SNTG1: variants seen among roughly 807,000 people sequenced by gnomAD.
SNTG1 encodes the protein gamma-1-syntrophin.
In SNTG1, 39 loss-of-function variants were observed where a neutral mutation model predicts 74.7. The ratio of observed to expected loss-of-function variants is 0.52; its 90% confidence interval spans 0.40 to 0.68. The LOEUF is 0.68. SNTG1 is among the 30% of genes least tolerant of loss of function. SNTG1 has a pLI of 0.00. For missense variants in SNTG1, 685 were observed against 609.5 expected, an observed-to-expected ratio of 1.12 and a Z score of -1.30; for synonymous variants, 254 against 217.1, an observed-to-expected ratio of 1.17 and a Z score of -1.49.
chr8:50,670,326 T>A (rs562957170), intron 15 of SNTG1, among the ~76,000 whole-genome samples: 3 of 152,230 alleles, frequency 2.0e-5, no homozygotes, highest in Non-Finnish European at 4.4e-5. Context: ...CTGAAGCTGA[T>A]AAGCAACTTC....
intron 4 of SNTG1, among the ~76,000 whole-genome samples, chr8:50,433,828 G>A (rs1053190102): frequency 6.6e-6 from 1 of 152,174 alleles, no homozygotes; most frequent in African/African-American, 2.4e-5. Context: ...CGAGGGCATA[G>A]TTCTCTTCAA....
At chr8:50,402,898 A>C (rs1370759833) in intron 4 of SNTG1, among the ~76,000 whole-genome samples, 1 of 152,232 alleles carries the variant, frequency 6.6e-6, no homozygotes, top group Non-Finnish European at 1.5e-5. Flanking sequence ...TTGACACATT[A>C]CACTGCTCCT....
At chr8:49,956,161 A>G (rs1051483725) in intron 1 of SNTG1, among the ~76,000 whole-genome samples, 2 of 152,236 alleles carry the variant, frequency 1.3e-5, no homozygotes, top group Non-Finnish European at 2.9e-5. Context: ...CATTTTGCAG[A>G]AAGATGTTTA....
At chr8:49,996,451 T>A (rs117629990) in intron 1 of SNTG1, among the ~76,000 whole-genome samples, 2 of 152,218 alleles carry the variant, frequency 1.3e-5, no homozygotes, top group African/African-American at 2.4e-5. Context: ...CCTTGCCTTC[T>A]CCTTTTCCTT....
intron 1 of SNTG1, among the ~76,000 whole-genome samples, chr8:50,039,822 C>A (rs1431623170): frequency 6.6e-6 from 1 of 152,056 alleles, no homozygotes; most frequent in Non-Finnish European, 1.5e-5. Flanking sequence ...AAACTTAAAC[C>A]TCAGACCCGT....
intron 1 of SNTG1, among the ~76,000 whole-genome samples, chr8:49,970,092 A>C (rs543660654): frequency 6.6e-6 from 1 of 152,308 alleles, no homozygotes; most frequent in African/African-American, 2.4e-5. Flanking sequence ...GGATTGGCGT[A>C]AAGAATGCAA....
At chr8:50,279,610 TG>T (rs1244006465) in intron 2 of SNTG1, among the ~76,000 whole-genome samples, 1 of 152,160 alleles carries the variant, frequency 6.6e-6, no homozygotes, top group Non-Finnish European at 1.5e-5. Flanking sequence ...AGTTACTAGT[TG>T]GGACAGATGC....
intron 10 of SNTG1, 95 bp from the exon 11 acceptor site, chr8:50,536,583 G>C: frequency 7.0e-7 from 1 of 1,438,668 alleles, no homozygotes; most frequent in Non-Finnish European, 9.4e-7. Context: ...ATCATTTAGG[G>C]GAAAAATAAT....
intron 2 of SNTG1, among the ~76,000 whole-genome samples, chr8:50,307,823 T>G (rs1241765968): frequency 6.6e-6 from 1 of 152,124 alleles, no homozygotes; most frequent in East Asian, 1.9e-4. Flanking sequence ...ATAGCTGAAC[T>G]TTTAGGAAAG....
chr8:50,183,046 C>A (rs190363249), intron 2 of SNTG1, among the ~76,000 whole-genome samples: 4 of 152,274 alleles, frequency 2.6e-5, no homozygotes, highest in Admixed American at 6.5e-5. Flanking sequence ...TTTGCCCCAA[C>A]TGACTGTAAC....
intron 15 of SNTG1, among the ~76,000 whole-genome samples, chr8:50,660,730 A>C (rs1435927090): frequency 6.6e-6 from 1 of 152,200 alleles, no homozygotes; most frequent in African/African-American, 2.4e-5. Context: ...TAAACATTAG[A>C]ACATAATGCA....
chr8:50,189,416 A>C (rs2083489684), intron 2 of SNTG1, among the ~76,000 whole-genome samples: 1 of 152,110 alleles, frequency 6.6e-6, no homozygotes, highest in African/African-American at 2.4e-5. Flanking sequence ...TAGATGTGGG[A>C]AGGAGCCTAG....
intron 2 of SNTG1, among the ~76,000 whole-genome samples, chr8:50,253,810 C>T (rs1458039835): frequency 6.6e-6 from 1 of 151,412 alleles, no homozygotes; most frequent in African/African-American, 2.4e-5. Flanking sequence ...GTGAAATAAG[C>T]CAGACACAGA....
At chr8:50,386,930 A>G (rs922901417) in intron 2 of SNTG1, among the ~76,000 whole-genome samples, 1 of 152,118 alleles carries the variant, frequency 6.6e-6, no homozygotes, top group Non-Finnish European at 1.5e-5. Context: ...TGGTTCTACA[A>G]ACCATTTCAA....
In SNTG1 at chr8:50,542,922, A is replaced by G. The variant is rs148865471; in HGVS notation, c.680+6114A>G. On this transcript the variant is annotated intron_variant, in intron 11 of 18. Transcript: ENST00000642720. ...AAATGTCTGTTCAAATCTTCTGCCCATTTTTAAGTCAGATTTTTTATTGTT... is the reference window on the plus strand; with the variant it reads ...AAATGTCTGTTCAAATCTTCTGCCCGTTTTTAAGTCAGATTTTTTATTGTT... Among the ~76,000 whole-genome samples the G allele has an allele frequency of 4.0e-4, 61 of 152,260 alleles. 2 individuals are homozygous for G. The East Asian group carries it at 8.9e-3, about 22-fold the overall frequency.
At chr8:50,160,671 C>T (rs1208550524) in intron 1 of SNTG1, among the ~76,000 whole-genome samples, 1 of 152,026 alleles carries the variant, frequency 6.6e-6, no homozygotes, top group Non-Finnish European at 1.5e-5. Context: ...TCTGAAATCT[C>T]CCTTAGAAAT....
intron 2 of SNTG1, among the ~76,000 whole-genome samples, chr8:50,284,690 C>T (rs28368636): frequency 0.069 from 10,502 of 152,042 alleles, 840 homozygotes; most frequent in African/African-American, 0.18. Flanking sequence ...TGATCATTTG[C>T]TACTTGGTGT....
intron 4 of SNTG1, among the ~76,000 whole-genome samples, chr8:50,417,605 C>T (rs2093030600): frequency 6.6e-6 from 1 of 152,096 alleles, no homozygotes; most frequent in East Asian, 1.9e-4. Flanking sequence ...ACTACTACAT[C>T]ACACTTCATT....
intron 1 of SNTG1, among the ~76,000 whole-genome samples, chr8:50,151,938 G>C (rs28873739): frequency 2.0e-5 from 3 of 152,146 alleles, no homozygotes; most frequent in African/African-American, 7.2e-5. Flanking sequence ...GCTTGGTGCC[G>C]AGCTGAGTTC....
Sources: gnomAD v4.1 joint callset for allele counts (sites outside exome capture counted in the v4.1 genomes callset) on GRCh38, gnomAD v4.1.1 for gene constraint, MANE v1.5 for transcripts, NCBI Gene and HGNC (gene_info 2026-07-23, HGNC 2026-07-21) for gene names.